Variants in CEP350 observed in about 807,000 individuals in gnomAD.
CEP350 encodes centrosome-associated protein 350.
CEP350 carries 126 observed loss-of-function variants against 331.8 expected under a neutral mutation model. The ratio of observed to expected loss-of-function variants is 0.38; its 90% confidence interval spans 0.33 to 0.44. The LOEUF is 0.44. CEP350 is among the 20% of genes least tolerant of loss of function. The pLI is 1.00. For synonymous variants in CEP350, 1,200 were observed against 1,259.5 expected, an observed-to-expected ratio of 0.95 and a Z score of 1.00; for missense variants, 3,406 against 3,634.6, an observed-to-expected ratio of 0.94 and a Z score of 1.62.
chr1:180,084,508 G>A (rs910226042), intron 31 of CEP350, among the ~76,000 whole-genome samples: 1 of 152,052 alleles, frequency 6.6e-6, no homozygotes, highest in East Asian at 1.9e-4. Flanking sequence ...GGGACTACAG[G>A]CGTCCGCCAC....
intron 8 of CEP350, among the ~76,000 whole-genome samples, chr1:180,007,629 T>C (rs1039027464): frequency 6.6e-6 from 1 of 152,218 alleles, no homozygotes; most frequent in African/African-American, 2.4e-5. Context: ...TTTGTCAAAT[T>C]TGGCTTTTGT....
intron 1 of CEP350, among the ~76,000 whole-genome samples, chr1:179,973,616 A>G (rs1009502990): frequency 2.0e-5 from 3 of 152,110 alleles, no homozygotes; most frequent in African/African-American, 7.2e-5. Context: ...ACATGCCTTT[A>G]TCAAACGGCT....
chr1:180,080,492 T>G, intron 29 of CEP350, 25 bp from the exon 30 acceptor site: 2 of 1,600,948 alleles, frequency 1.2e-6, no homozygotes, highest in Non-Finnish European at 1.7e-6. Flanking sequence ...AAAAATAGTT[T>G]CCATTTGGTT....
intron 1 of CEP350, among the ~76,000 whole-genome samples, chr1:179,984,968 AT>A: frequency 6.6e-6 from 1 of 152,162 alleles, no homozygotes; most frequent in Non-Finnish European, 1.5e-5. Flanking sequence ...TTGTGATATG[AT>A]TTTTTTCCTT....
At chr1:180,007,839 CGTGTGT>C (rs71118426) in intron 8 of CEP350, among the ~76,000 whole-genome samples, 2,134 of 140,980 alleles carry the variant, frequency 0.015, 33 homozygotes, top group African/African-American at 0.034. Context: ...TTTTATGTAT[CGTGTGT>C]GTGTGTGTGT....
At chr1:180,107,633 A>T (rs1011007942) in intron 37 of CEP350, among the ~76,000 whole-genome samples, 1 of 152,148 alleles carries the variant, frequency 6.6e-6, no homozygotes, top group African/African-American at 2.4e-5. Context: ...GCGCCACTGC[A>T]CTCCAGCCTG....
rs1176182613 is a variant in CEP350 at position 180,113,104 on chromosome 1, C to T, written c.*1943C>T. 1 of 152,530 alleles carries T rather than the reference C, an allele frequency of 6.6e-6. No individual in the cohort carries two copies. The highest frequency in any genetic ancestry group is 1.5e-5 in the Non-Finnish European group (1 of 68,018). 9.4% of individuals were successfully genotyped at this position (152,530 alleles called of 1,614,324 possible). ...GTTATTAACCAGTAGTGTGGAAATA[C>T]TAGTTTTATGTGGCCAAGGAAAAGC... On this transcript the variant is annotated 3_prime_UTR_variant, in exon 38 of 38. Coordinates refer to ENST00000367607, the MANE Select transcript of CEP350 (RefSeq NM_014810.5).
chr1:180,094,705 C>T, intron 34 of CEP350, 89 bp downstream of exon 34: 2 of 1,342,346 alleles, frequency 1.5e-6, no homozygotes, highest in Non-Finnish European at 2.0e-6. Flanking sequence ...CATTTTAATT[C>T]TGTGACTCCT....
In CEP350 at chr1:180,022,582, T is replaced by C. The variant is rs568231487; in HGVS notation, c.3236-116T>C. The C allele has an allele frequency of 5.2e-5, 41 of 790,948 alleles. No homozygotes were observed. The African/African-American group carries it at 6.3e-4, about 12-fold the overall frequency. The allele number at this position is 790,948 out of a possible 1,614,324, so 49.0% of individuals were successfully genotyped here. ...AAAGGTAAATAGAAAAGAGGCACTA[T>C]TAAAGGAAACTAAAATGTCCCTAAG... On this transcript the variant is annotated intron_variant, in intron 12 of 37. Coordinates refer to ENST00000367607, the MANE Select transcript of CEP350 (RefSeq NM_014810.5).
chr1:180,067,618 G>A (rs1295544101), intron 27 of CEP350, among the ~76,000 whole-genome samples: 1 of 152,202 alleles, frequency 6.6e-6, no homozygotes, highest in South Asian at 2.1e-4. Flanking sequence ...GAACCTGGGA[G>A]GGGGAGGTTG....
In CEP350 at chr1:180,094,451, G is replaced by A; in HGVS notation, c.8346G>A (p.Gln2782=). 1.2e-6 allele frequency: 2 copies of A among 1,613,854 alleles called. No homozygotes were observed. Among genetic ancestry groups the A allele is most frequent in the South Asian group, 1.1e-5 (1 of 91,044 alleles). Residue 2782 remains glutamine, a synonymous_variant, in exon 34 of 38, where the codon CAG becomes CAA. Transcript: ENST00000367607. ...QIKKTRDEKI[Q]LSNQELLGDD... is the part of the protein sequence containing the mutation. ...AAAAAACCAGGGATGAGAAAATCCA[G>A]CTTAGCAATCAGGAGCTTCTTGGTG...
chr1:180,045,232 C>T (rs941405133), intron 21 of CEP350, among the ~76,000 whole-genome samples: 1 of 152,060 alleles, frequency 6.6e-6, no homozygotes, highest in African/African-American at 2.4e-5. Flanking sequence ...ATCCCAGCTA[C>T]TCAGGAGGCT....
intron 34 of CEP350, among the ~76,000 whole-genome samples, chr1:180,094,878 A>G (rs1285519902): frequency 6.6e-6 from 1 of 152,218 alleles, no homozygotes; most frequent in Non-Finnish European, 1.5e-5. Flanking sequence ...GTTTTGGGGA[A>G]CTAAAACATC....
chr1:180,075,968 A>C lies in CEP350; in HGVS notation c.5767+747A>C, dbSNP rs149776944. The stretch of plus-strand genomic sequence containing the variant: ...GACTCCGTATCTCAAGGAAAAAAAA[A>C]AATTGTAATAACTTTATTCCAATAC... On this transcript the variant is annotated intron_variant, in intron 28 of 37. Coordinates refer to ENST00000367607, the MANE Select transcript of CEP350 (RefSeq NM_014810.5). Among the ~76,000 whole-genome samples, 115 of 152,294 alleles carry C rather than the reference A, an allele frequency of 7.6e-4. 2 individuals carry two copies. In the East Asian group the frequency reaches 0.018, roughly 23 times the overall value.
intron 37 of CEP350, among the ~76,000 whole-genome samples, 157 bp from the exon 38 acceptor site, chr1:180,110,840 A>G (rs954769167): frequency 3.3e-5 from 5 of 152,092 alleles, no homozygotes; most frequent in African/African-American, 1.2e-4. Context: ...ACTTTTTGCA[A>G]TTTTAAAAGG....
intron 1 of CEP350, among the ~76,000 whole-genome samples, chr1:179,957,047 A>G (rs1208317916): frequency 6.6e-6 from 1 of 152,124 alleles, no homozygotes; most frequent in Non-Finnish European, 1.5e-5. Context: ...TTAATTATTG[A>G]CAAGTCATGA....
intron 26 of CEP350, among the ~76,000 whole-genome samples, chr1:180,063,874 C>T (rs1404004798): frequency 6.6e-6 from 1 of 151,950 alleles, no homozygotes; most frequent in Admixed American, 6.6e-5. Context: ...TTTTAAAATT[C>T]CTAATATGCT....
At chr1:179,969,555 A>G in intron 1 of CEP350, 2 of 354,104 alleles carry the variant, frequency 5.6e-6, no homozygotes, top group South Asian at 2.2e-5. Context: ...AACAGGGTTG[A>G]TGGAAAATAA....
At chr1:180,015,730 A>G (rs1654931453) in intron 10 of CEP350, 119 bp from the exon 11 acceptor site, 1 of 1,234,124 alleles carries the variant, frequency 8.1e-7, no homozygotes, top group Non-Finnish European at 1.1e-6. Context: ...TTTGACAAAA[A>G]AAAACCACTA....
Sources: gnomAD v4.1 joint callset for allele counts (sites outside exome capture counted in the v4.1 genomes callset) on GRCh38, gnomAD v4.1.1 for gene constraint, MANE v1.5 for transcripts, NCBI Gene and HGNC (gene_info 2026-07-23, HGNC 2026-07-21) for gene names.